The following CDC14B variants were observed in gnomAD, a reference collection of about 807,000 sequenced individuals.
CDC14B encodes the protein cell division cycle 14B, also known as dual specificity protein phosphatase CDC14B.
Under a neutral mutation model 64.2 loss-of-function variants are expected in CDC14B, and 22 were observed. That is an observed-to-expected ratio of 0.34 (90% CI 0.24 to 0.49). The LOEUF is 0.49. Among genes scored for constraint, CDC14B ranks in the 20% least tolerant of loss-of-function variants. The pLI, the probability that CDC14B is intolerant of heterozygous loss-of-function variation, is 0.99. For synonymous variants in CDC14B, 191 were observed against 215.8 expected (o/e 0.89, Z 1.01); for missense variants, 498 against 629.9 (o/e 0.79, Z 2.24).
chr9:96,507,205 G>C (rs1447513122), intron 13 of CDC14B, among the ~76,000 whole-genome samples: 2 of 151,780 alleles, frequency 1.3e-5, no homozygotes, highest in Admixed American at 6.6e-5. Flanking sequence ...TTGGGAGGAT[G>C]AGGCGGGAGG....
intron 1 of CDC14B, among the ~76,000 whole-genome samples, chr9:96,587,704 C>T (rs1233419284): frequency 1.3e-5 from 2 of 152,156 alleles, no homozygotes; most frequent in Non-Finnish European, 2.9e-5. Flanking sequence ...CCTTATTTTA[C>T]GAATGGGAGA....
In CDC14B at chr9:96,551,776, C is replaced by T. The variant is rs1483023811; in HGVS notation, c.497+20G>A. 1.2e-6 allele frequency: 2 copies of T among 1,601,218 alleles called. No individual in the cohort carries two copies. Among genetic ancestry groups the T allele is most frequent in the Non-Finnish European group, 1.7e-6 (2 of 1,175,270 alleles). Reference sequence around the variant, plus strand: ...CAAGGATCTGATTACCTGAATCTACCACATCATTCTTATATTTACCTGAAA... The same window carrying T: ...CAAGGATCTGATTACCTGAATCTACTACATCATTCTTATATTTACCTGAAA... On this transcript the variant is annotated intron_variant, in intron 5 of 13. Transcript: ENST00000375241.
chr9:96,494,003 C>T (rs546624974), intron 13 of CDC14B, among the ~76,000 whole-genome samples: 2 of 152,312 alleles, frequency 1.3e-5, no homozygotes, highest in Admixed American at 1.3e-4. Context: ...CCGAAGGATG[C>T]CCCTCCTCCT....
chr9:96,581,730 A>T (rs1396799227), intron 1 of CDC14B, among the ~76,000 whole-genome samples: 1 of 152,056 alleles, frequency 6.6e-6, no homozygotes, highest in Non-Finnish European at 1.5e-5. Context: ...TGAGGGAAGG[A>T]TGAGGAGGAA....
chr9:96,515,880 G>C lies in CDC14B; in HGVS notation c.1344-6091C>G. The C allele has an allele frequency of 1.5e-6, 2 of 1,297,600 alleles. No individual in the cohort carries two copies. Among genetic ancestry groups the C allele is most frequent in the Non-Finnish European group, 2.1e-6 (2 of 959,268 alleles). The allele number at this position is 1,297,600 out of a possible 1,614,324, so 80.4% of individuals were successfully genotyped here. ...ATCATCAATCAATCAAGCCATATGT[G>C]AATTTTAGACACCCTAAAAGCCCAG... On this transcript the variant is annotated intron_variant, in intron 12 of 13. Transcript: ENST00000375241. This position sits in a 1 kb window ranked among gnomAD's most constrained non-coding sequence, Gnocchi z 4.3.
chr9:96,581,177 C>T (rs894748197), intron 1 of CDC14B, among the ~76,000 whole-genome samples: 1 of 152,050 alleles, frequency 6.6e-6, no homozygotes, highest in Non-Finnish European at 1.5e-5. Context: ...TTGAGGTGAG[C>T]TGCGATTGCA....
chr9:96,512,923 A>T (rs899981924), intron 12 of CDC14B, among the ~76,000 whole-genome samples: 2 of 151,840 alleles, frequency 1.3e-5, no homozygotes, highest in African/African-American at 4.8e-5. Context: ...CAACAATCAC[A>T]CTGCAAAATA....
chr9:96,597,515 AAGAC>A (rs1275992093), intron 1 of CDC14B, among the ~76,000 whole-genome samples: 2 of 151,934 alleles, frequency 1.3e-5, no homozygotes, highest in East Asian at 1.9e-4. Context: ...AAAAAAAAAA[AAGAC>A]AGAAGAGAAA....
At chr9:96,535,857 T>G (rs1268785235) in intron 7 of CDC14B, among the ~76,000 whole-genome samples, 2 of 152,110 alleles carry the variant, frequency 1.3e-5, no homozygotes, top group Non-Finnish European at 2.9e-5. Flanking sequence ...AAGGATCACT[T>G]AAGCCCAGGA....
chr9:96,503,631 A>G lies in CDC14B; in HGVS notation c.*122T>C, dbSNP rs937358567. 3 of 821,058 alleles carry G rather than the reference A, an allele frequency of 3.7e-6. No homozygotes were observed. Among genetic ancestry groups the G allele is most frequent in the Admixed American group, 4.8e-5 (2 of 41,726 alleles). The allele number at this position is 821,058 out of a possible 1,614,324, so 50.9% of individuals were successfully genotyped here. A position where few individuals can be genotyped will look rare whatever the true frequency, so the allele number is the denominator to read the frequency against. ...CAGTGGACATTTTCTCCATTGATCA[A>G]CTTCTTAGGTGGAAAAAGCAACTAA... On this transcript the variant is annotated 3_prime_UTR_variant, in exon 14 of 14. Transcript: ENST00000375241.
At chr9:96,573,623 C>T (rs192366326) in intron 1 of CDC14B, among the ~76,000 whole-genome samples, 1 of 152,178 alleles carries the variant, frequency 6.6e-6, no homozygotes, top group African/African-American at 2.4e-5. Flanking sequence ...CATGTTAATA[C>T]ATGTAAATTA....
At chr9:96,605,719 GGGGCA>G (rs1846859185) in intron 1 of CDC14B, among the ~76,000 whole-genome samples, 1 of 152,188 alleles carries the variant, frequency 6.6e-6, no homozygotes, top group African/African-American at 2.4e-5. Context: ...TTAAGGGCCA[GGGGCA>G]GGGGCTCATG....
intron 1 of CDC14B, among the ~76,000 whole-genome samples, chr9:96,566,210 G>GA (rs1452308064): frequency 1.3e-5 from 2 of 152,158 alleles, no homozygotes; most frequent in African/African-American, 4.8e-5. Flanking sequence ...ATCCTCGGGT[G>GA]AAATAAAGTC....
chr9:96,496,218 C>T (rs1311925645), downstream of CDC14B: 2 of 461,094 alleles, frequency 4.3e-6, no homozygotes, highest in Non-Finnish European at 8.7e-6. Context: ...TGCTGAGAGG[C>T]TTCAATTGCA....
At chr9:96,555,099 G>A (rs938977980) in intron 4 of CDC14B, among the ~76,000 whole-genome samples, 2 of 152,150 alleles carry the variant, frequency 1.3e-5, no homozygotes, top group African/African-American at 4.8e-5. Context: ...AGCTGTGATC[G>A]CCAGCTTCCC....
chr9:96,582,059 C>G (rs1845193034), intron 1 of CDC14B, among the ~76,000 whole-genome samples: 1 of 152,130 alleles, frequency 6.6e-6, no homozygotes, highest in Non-Finnish European at 1.5e-5. Flanking sequence ...CTCTGCTTCT[C>G]CTCCTGTTTT....
At chr9:96,540,611 A>C (rs1176971711) in intron 6 of CDC14B, among the ~76,000 whole-genome samples, 1 of 152,122 alleles carries the variant, frequency 6.6e-6, no homozygotes, top group Non-Finnish European at 1.5e-5. Context: ...ATTAAAAAAA[A>C]AAAAGCCAAA....
At chr9:96,598,485 T>C (rs1011122501) in intron 1 of CDC14B, among the ~76,000 whole-genome samples, 1 of 152,142 alleles carries the variant, frequency 6.6e-6, no homozygotes, top group African/African-American at 2.4e-5. Flanking sequence ...TACAGGCGCC[T>C]GCCACTACAC....
At chr9:96,578,878 C>A (rs1358146760) in intron 1 of CDC14B, among the ~76,000 whole-genome samples, 42 of 152,158 alleles carry the variant, frequency 2.8e-4, no homozygotes, top group Non-Finnish European at 5.9e-5. Context: ...GAGTGCAATG[C>A]CGCGATCTCG....
Sources: gnomAD v4.1 joint callset for allele counts (sites outside exome capture counted in the v4.1 genomes callset) on GRCh38, gnomAD v4.1.1 for gene constraint, Gnocchi (gnomAD v3.1) non-coding constraint, MANE v1.5 for transcripts, NCBI Gene and HGNC (gene_info 2026-07-23, HGNC 2026-07-21) for gene names.